PCDH15: variants seen among roughly 807,000 people sequenced by gnomAD.
PCDH15 encodes protocadherin-15.
Under a neutral mutation model 178.5 loss-of-function variants are expected in PCDH15, and 129 were observed. The ratio of observed to expected loss-of-function variants is 0.72; its 90% CI spans 0.63 to 0.84. The LOEUF (loss-of-function observed/expected upper bound fraction) is 0.84, where lower values mean the gene tolerates loss of function less well. Ranked by LOEUF, PCDH15 falls within the 40% of genes least tolerant of loss-of-function variation. The pLI is 0.00. For synonymous variants in PCDH15, 800 were observed against 732.0 expected (o/e 1.09, Z -1.50); for missense variants, 2,230 against 2,099.9 (o/e 1.06, Z -1.21).
chr10:54,176,047 A>G lies in PCDH15; in HGVS notation c.1590+7397T>C, dbSNP rs184974409. On this transcript the variant is annotated intron_variant, in intron 13 of 37. Coordinates refer to ENST00000644397, the MANE Select transcript of PCDH15 (RefSeq NM_001384140.1). ...TGTGAAGTTAGAGATCATCTCGGGAAAGGACTATGTGAGGTGATACTTAGT... is the reference window on the plus strand; with the variant it reads ...TGTGAAGTTAGAGATCATCTCGGGAGAGGACTATGTGAGGTGATACTTAGT... Among the ~76,000 whole-genome samples, 29 of 152,318 alleles carry G rather than the reference A, an allele frequency of 1.9e-4. No individual in the cohort carries two copies. In the East Asian group the frequency reaches 5.4e-3, roughly 28 times the overall value.
intron 2 of PCDH15, among the ~76,000 whole-genome samples, chr10:55,471,540 T>G (rs1183127732): frequency 6.6e-6 from 1 of 152,184 alleles, no homozygotes; most frequent in Non-Finnish European, 1.5e-5. Flanking sequence ...TGTTTTTATC[T>G]GGAATATCAT....
chr10:54,582,629 C>T (rs2091138609), intron 2 of PCDH15, among the ~76,000 whole-genome samples: 1 of 151,972 alleles, frequency 6.6e-6, no homozygotes, highest in Admixed American at 6.6e-5. Flanking sequence ...TAGAACATTA[C>T]TGGCAAGGTG....
At chr10:54,251,520 T>G (rs1355599306) in intron 8 of PCDH15, among the ~76,000 whole-genome samples, 1 of 152,218 alleles carries the variant, frequency 6.6e-6, no homozygotes, top group Non-Finnish European at 1.5e-5. Flanking sequence ...TTTTCAAACA[T>G]GTAAGAGCAT....
intron 2 of PCDH15, among the ~76,000 whole-genome samples, chr10:54,967,488 T>C (rs965762354): frequency 1.3e-5 from 2 of 152,164 alleles, no homozygotes; most frequent in African/African-American, 2.4e-5. Flanking sequence ...AATAAAAGTA[T>C]AAATTATGTA....
chr10:55,335,714 A>G (rs781414315), intron 2 of PCDH15, among the ~76,000 whole-genome samples: 23 of 152,068 alleles, frequency 1.5e-4, no homozygotes, highest in Non-Finnish European at 3.1e-4. Context: ...AAAGGAAATT[A>G]TAAACTATGA....
chr10:54,025,126 G>T (rs1589976694), intron 18 of PCDH15, among the ~76,000 whole-genome samples: 1 of 152,076 alleles, frequency 6.6e-6, no homozygotes, highest in East Asian at 1.9e-4. Context: ...GACTGATGTG[G>T]CTGTGTGTCC....
At position 54,369,284 on chromosome 10, in the gene PCDH15, T is replaced by C. The variant is rs376990258; in HGVS notation, c.319-9A>G. On this transcript the variant is annotated splice_polypyrimidine_tract_variant and intron_variant, in intron 4 of 37. Coordinates refer to ENST00000644397, the MANE Select transcript of PCDH15 (RefSeq NM_001384140.1). The stretch of plus-strand genomic sequence containing the variant: ...TGTATGTTCATCGGTGGCTGCAATG[T>C]AGAAATTGCATCTTTTAAAATACTA... 1.2e-6 allele frequency: 2 copies of C among 1,611,808 alleles called. No homozygotes were observed. The highest frequency in any genetic ancestry group is 8.5e-7 in the Non-Finnish European group (1 of 1,178,760).
intron 2 of PCDH15, among the ~76,000 whole-genome samples, chr10:54,641,782 C>T (rs138366032): frequency 2.6e-5 from 4 of 152,288 alleles, no homozygotes; most frequent in African/African-American, 9.6e-5. Context: ...CACAAATCCA[C>T]TCTCTTCACT....
chr10:55,472,814 C>T lies in PCDH15; in HGVS notation c.-156+154811G>A, dbSNP rs903007173. On this transcript the variant is annotated intron_variant, in intron 2 of 5. Transcript: ENST00000613346. ...CCATCTCCTGACCTCGTGATCCACC[C>T]GACTCGGCCTCCCAAAGTGCTGGGA... Among the ~76,000 whole-genome samples the T allele has an allele frequency of 2.5e-4, 38 of 152,258 alleles. No homozygotes were observed. The South Asian group carries it at 3.9e-3, about 16-fold the overall frequency.
At chr10:53,832,042 G>A (rs2077045448) in intron 29 of PCDH15, among the ~76,000 whole-genome samples, 1 of 151,302 alleles carries the variant, frequency 6.6e-6, no homozygotes, top group Non-Finnish European at 1.5e-5. Context: ...CTCAAACTCT[G>A]TATTTGTTTG....
chr10:54,140,831 G>GC (rs2043340008), intron 14 of PCDH15, among the ~76,000 whole-genome samples: 1 of 151,724 alleles, frequency 6.6e-6, no homozygotes, highest in African/African-American at 2.4e-5. Flanking sequence ...CTACAGGCAT[G>GC]TGCCACAACA....
Position 55,105,846 on chromosome 10 carries a change from G to A in PCDH15, c.-80+60730C>T, listed in dbSNP as rs141077003. 8.2e-3 allele frequency among the ~76,000 whole-genome samples: 1,242 copies of A among 152,030 alleles called. 15 individuals are homozygous for A. Among genetic ancestry groups the A allele is most frequent in the African/African-American group, 0.027 (1,121 of 41,478 alleles). On this transcript the variant is annotated intron_variant, in intron 2 of 5. Transcript: ENST00000458638. The stretch of plus-strand genomic sequence containing the variant: ...AAAAAAAATCAATCCATAAAAAAGT[G>A]ATTTTTTCTTAAATGGATATTCTGA...
At chr10:55,249,014 G>A (rs535384250) in intron 1 of PCDH15, among the ~76,000 whole-genome samples, 2 of 152,226 alleles carry the variant, frequency 1.3e-5, no homozygotes, top group East Asian at 3.9e-4. Flanking sequence ...AAGACAATGT[G>A]GGCATGTCAT....
intron 18 of PCDH15, among the ~76,000 whole-genome samples, chr10:54,064,655 T>C (rs2135788229): frequency 6.6e-6 from 1 of 152,222 alleles, no homozygotes; most frequent in South Asian, 2.1e-4. Flanking sequence ...GAGGCTGAGG[T>C]GGCAGGGGGC....
intron 1 of PCDH15, among the ~76,000 whole-genome samples, chr10:54,665,332 A>G (rs1223679246): frequency 2.0e-5 from 3 of 151,974 alleles, no homozygotes; most frequent in Non-Finnish European, 4.4e-5. Context: ...CCAAATTTTC[A>G]TGTGATTTCC....
intron 14 of PCDH15, among the ~76,000 whole-genome samples, chr10:54,145,271 T>A (rs1013033923): frequency 6.6e-6 from 1 of 152,052 alleles, no homozygotes; most frequent in East Asian, 1.9e-4. Flanking sequence ...GATTGTATTA[T>A]CTTATTATTA....
At chr10:54,073,309 G>C (rs1157084367) in intron 17 of PCDH15, among the ~76,000 whole-genome samples, 1 of 151,304 alleles carries the variant, frequency 6.6e-6, no homozygotes, top group Non-Finnish European at 1.5e-5. Flanking sequence ...TACATATATT[G>C]TAAAGATTCA....
rs538047508 is a variant in PCDH15, at chr10:54,581,591, A to G, written c.92-53714T>C. 2.0e-5 allele frequency among the ~76,000 whole-genome samples: 3 copies of G among 152,222 alleles called. 1 individual carries two copies. Among genetic ancestry groups the G allele is most frequent in the African/African-American group, 7.2e-5 (3 of 41,564 alleles). Reference sequence around the variant, plus strand: ...ATAGAAAAATAGGATTCTAAAATATAGAACAAAAAATAGCCTGAATAGCTA... The same window carrying G: ...ATAGAAAAATAGGATTCTAAAATATGGAACAAAAAATAGCCTGAATAGCTA... On this transcript the variant is annotated intron_variant, in intron 2 of 37. Transcript: ENST00000644397.
At chr10:54,627,425 T>C (rs1044536435) in intron 2 of PCDH15, among the ~76,000 whole-genome samples, 12 of 152,154 alleles carry the variant, frequency 7.9e-5, no homozygotes, top group African/African-American at 2.7e-4. Context: ...TGATAGTGAA[T>C]GGGTCTCACG....
Sources: gnomAD v4.1 joint callset for allele counts (sites outside exome capture counted in the v4.1 genomes callset) on GRCh38, gnomAD v4.1.1 for gene constraint, MANE v1.5 for transcripts, NCBI Gene and HGNC (gene_info 2026-07-23, HGNC 2026-07-21) for gene names.